Variants in C5 observed in about 807,000 individuals in gnomAD.
C5 encodes the protein C3 and PZP-like alpha-2-macroglobulin domain-containing protein 4.
C5 carries 140 observed loss-of-function variants against 218.8 expected under a neutral mutation model. The ratio of observed to expected loss-of-function variants is 0.64; its 90% CI spans 0.56 to 0.74. The LOEUF (loss-of-function observed/expected upper bound fraction) is 0.74. C5 is among the 30% of genes least tolerant of loss of function. The pLI is 0.00. For missense variants in C5, 1,700 were observed against 1,969.6 expected (o/e 0.86, Z 2.59); for synonymous variants, 614 against 682.3 (o/e 0.90, Z 1.56).
the C5 span, among the ~76,000 whole-genome samples, chr9:121,066,129 A>G: frequency 6.6e-6 from 1 of 151,976 alleles, no homozygotes; most frequent in Non-Finnish European, 1.5e-5. Context: ...CCTGGCCAAT[A>G]TGGCGAAACC....
chr9:121,065,304 T>TA, the C5 span, among the ~76,000 whole-genome samples: 1 of 152,154 alleles, frequency 6.6e-6, no homozygotes, highest in South Asian at 2.1e-4. Flanking sequence ...TCCATGGATC[T>TA]ACAGCCAATA....
At chr9:121,002,354 A>C (rs1460198552) in intron 20 of C5, among the ~76,000 whole-genome samples, 1 of 142,450 alleles carries the variant, frequency 7.0e-6, no homozygotes, top group African/African-American at 2.5e-5. Flanking sequence ...ACACATACCT[A>C]CACAAGCCGA....
chr9:121,025,895 C>T (rs2047417728), intron 8 of C5: 4 of 240,580 alleles, frequency 1.7e-5, no homozygotes, highest in South Asian at 1.2e-4. Context: ...AGCGTACTTC[C>T]GCCCTTAACT....
chr9:121,051,526 T>C (rs1361653504), upstream of C5, among the ~76,000 whole-genome samples: 1 of 152,178 alleles, frequency 6.6e-6, no homozygotes, highest in Admixed American at 6.5e-5. Flanking sequence ...ATATATAATA[T>C]GTACTCTTCT....
At chr9:121,041,008 G>A (rs528901631) in intron 3 of C5, among the ~76,000 whole-genome samples, 20 of 149,162 alleles carry the variant, frequency 1.3e-4, no homozygotes, top group Non-Finnish European at 2.8e-4. Flanking sequence ...GAGTGCAGTG[G>A]CGCGATCTCA....
intron 26 of C5, 66 bp downstream of exon 26, chr9:120,982,589 A>C (rs1252965336): frequency 3.2e-6 from 4 of 1,255,208 alleles, no homozygotes; most frequent in Non-Finnish European, 4.6e-6. Context: ...ATCCTCCCAT[A>C]ATCAGATGAG....
intron 15 of C5, among the ~76,000 whole-genome samples, chr9:121,016,030 C>T (rs771211556): frequency 1.3e-4 from 20 of 152,154 alleles, no homozygotes; most frequent in African/African-American, 4.6e-4. Context: ...AGGGTAAGAG[C>T]TAGTTGGAGA....
intron 22 of C5, among the ~76,000 whole-genome samples, chr9:120,993,820 C>G (rs1387961633): frequency 6.6e-6 from 1 of 152,142 alleles, no homozygotes; most frequent in Non-Finnish European, 1.5e-5. Flanking sequence ...GAGGTACATA[C>G]ATACAAAACA....
At chr9:120,994,589 C>T (rs976038230) in intron 22 of C5, among the ~76,000 whole-genome samples, 3 of 120,928 alleles carry the variant, frequency 2.5e-5, no homozygotes, top group African/African-American at 7.9e-5. Flanking sequence ...TCCCCCCACC[C>T]CACAAAAAAA....
intron 30 of C5, 68 bp downstream of exon 30, chr9:120,974,709 TAA>T (rs1266238230): frequency 9.6e-6 from 13 of 1,354,414 alleles, no homozygotes; most frequent in Non-Finnish European, 1.4e-5. Flanking sequence ...ATTTATAAAA[TAA>T]AGAGTGGAAC....
At chr9:121,023,545 G>A (rs1230649067) in intron 9 of C5, 26 bp from the exon 10 acceptor site, 1 of 1,355,748 alleles carries the variant, frequency 7.4e-7, no homozygotes, top group Non-Finnish European at 1.1e-6. Flanking sequence ...GCATCATGTT[G>A]ACAGTTTTTA....
chr9:121,055,934 G>T, the C5 span, among the ~76,000 whole-genome samples: 1 of 152,192 alleles, frequency 6.6e-6, no homozygotes. Flanking sequence ...GAGAGAAAGA[G>T]ACTTTGCCTG....
At chr9:121,008,358 A>G in intron 18 of C5, 50 bp downstream of exon 18, 1 of 1,367,228 alleles carries the variant, frequency 7.3e-7, no homozygotes, top group Non-Finnish European at 1.0e-6. Flanking sequence ...TGGCCATAAT[A>G]CTTGCATTAT....
chr9:121,020,620 A>C (rs7045551), intron 11 of C5, among the ~76,000 whole-genome samples: 1 of 152,192 alleles, frequency 6.6e-6, no homozygotes, highest in Admixed American at 6.5e-5. Context: ...TATCTGGCCC[A>C]GTTTCATTGT....
chr9:121,035,012 C>A, intron 4 of C5, 118 bp from the exon 5 acceptor site: 1 of 608,798 alleles, frequency 1.6e-6, no homozygotes, highest in East Asian at 2.8e-5. Context: ...GACAAATACC[C>A]ATGTCTTCAA....
At chr9:121,052,976 T>G (rs2047680135), upstream of C5, among the ~76,000 whole-genome samples, 1 of 152,118 alleles carries the variant, frequency 6.6e-6, no homozygotes, top group Non-Finnish European at 1.5e-5. Context: ...GGTTGTAAAT[T>G]TAGAGAATAA....
At chr9:120,974,709 T>A (rs1347324053) in intron 30 of C5, 70 bp downstream of exon 30, 1 of 1,354,414 alleles carries the variant, frequency 7.4e-7, no homozygotes, top group Non-Finnish European at 1.1e-6. Flanking sequence ...ATTTATAAAA[T>A]AAAGAGTGGA....
rs527848511 is a variant in C5, at chr9:121,015,312, T to C, written c.1997-51A>G. The C allele has an allele frequency of 6.9e-5, 88 of 1,272,906 alleles. 1 individual carries two copies. The South Asian group carries it at 1.1e-3, about 15-fold the overall frequency. The allele number at this position is 1,272,906 out of a possible 1,614,324, so 78.9% of individuals were successfully genotyped here. ...AAGAAGGATTAAAAAGGAGATAAAA[T>C]CTCAAAAAAAAATTCCATGAAACTA... On this transcript the variant is annotated intron_variant, in intron 15 of 40. Coordinates refer to ENST00000223642, the MANE Select transcript of C5 (RefSeq NM_001735.3).
chr9:121,034,822 T>C lies in C5; in HGVS notation c.565A>G (p.Lys189Glu). The change falls in exon 5 of 41, where the codon AAG becomes GAG. Residue 189 changes from lysine to glutamate, a missense_variant. Coordinates refer to ENST00000223642, the MANE Select transcript of C5 (RefSeq NM_001735.3). Reference protein sequence around the residue: ...HIGIISFPDFKIPSNPRYGMW... With the variant: ...HIGIISFPDFEIPSNPRYGMW... ...ACATACCTAGGATTAGACGGAATCT[T>C]GAAGTCAGGAAAAGAGATAATTCCA... 6.4e-7 allele frequency: 1 copy of C among 1,569,092 alleles called. No individual in the cohort carries two copies. Among genetic ancestry groups the C allele is most frequent in the Non-Finnish European group, 8.8e-7 (1 of 1,139,940 alleles).
Sources: allele counts gnomAD v4.1 joint callset (sites outside exome capture counted in the v4.1 genomes callset), GRCh38; gene constraint gnomAD v4.1.1; transcripts MANE v1.5; gene names NCBI Gene and HGNC (gene_info 2026-07-23, HGNC 2026-07-21).